The following PDE7B variants were observed in gnomAD, a reference collection of about 807,000 sequenced individuals.
The protein encoded by PDE7B is 3',5'-cyclic-AMP phosphodiesterase 7B.
In PDE7B, 29 loss-of-function variants were observed where a neutral mutation model predicts 56.2. The ratio of observed to expected loss-of-function variants is 0.52; its 90% confidence interval spans 0.38 to 0.70. The LOEUF is 0.70. PDE7B is among the 30% of genes least tolerant of loss of function. PDE7B has a pLI of 0.00. For missense variants in PDE7B, 490 were observed against 565.0 expected (o/e 0.87, Z 1.35); for synonymous variants, 197 against 196.9 (o/e 1.00, Z 0.00).
At chr6:135,967,575 A>C (rs926424571) in intron 2 of PDE7B, among the ~76,000 whole-genome samples, 2 of 152,176 alleles carry the variant, frequency 1.3e-5, no homozygotes, top group Admixed American at 6.5e-5. Flanking sequence ...CAGGCACAAC[A>C]ACCTATCTGC....
intron 1 of PDE7B, among the ~76,000 whole-genome samples, chr6:135,880,800 G>A (rs1775594172): frequency 6.6e-6 from 1 of 152,214 alleles, no homozygotes; most frequent in African/African-American, 2.4e-5. Context: ...CTGCTGAAGA[G>A]AAGCAGTTGT....
intron 2 of PDE7B, among the ~76,000 whole-genome samples, chr6:135,961,087 C>A (rs1164005085): frequency 1.3e-5 from 2 of 152,086 alleles, no homozygotes; most frequent in Non-Finnish European, 2.9e-5. Context: ...CATCTGATCC[C>A]CAATACCTAA....
At chr6:136,094,497 T>C (rs1342004131) in intron 2 of PDE7B, 1 of 152,466 alleles carries the variant, frequency 6.6e-6, no homozygotes, top group Non-Finnish European at 1.5e-5. Flanking sequence ...CCACATTTCA[T>C]TCAAGTCTTT....
chr6:135,959,767 TAA>T (rs34520299), intron 2 of PDE7B, among the ~76,000 whole-genome samples: 3 of 149,416 alleles, frequency 2.0e-5, no homozygotes, highest in East Asian at 2.0e-4. Context: ...AGTCTTTTCT[TAA>T]AAAAAAAAAG....
intron 8 of PDE7B, chr6:136,156,201 G>GTGTGTGTGTGTT (rs997239420): frequency 6.1e-6 from 2 of 326,492 alleles, no homozygotes; most frequent in African/African-American, 2.2e-5. Flanking sequence ...GTGTGTGTGT[G>GTGTGTGTGTGTT]TTTTCAGAAA....
rs369845093 is a variant in PDE7B at position 136,117,864 on chromosome 6, TGG to T, written c.166+9051_166+9052del. Among the ~76,000 whole-genome samples, 47 of 152,276 alleles carry T rather than the reference TGG, an allele frequency of 3.1e-4. No homozygotes were observed. In the South Asian group the frequency reaches 8.9e-3, roughly 29 times the overall value. On this transcript the variant is annotated intron_variant, in intron 3 of 12. Coordinates refer to ENST00000308191, the MANE Select transcript of PDE7B (RefSeq NM_018945.4). ...GGCTGCCTCTCTGCCTCTTCTACCA[TGG>T]TTGCCCCACCCAGAGCTCCAAGCTC...
At position 135,857,024 on chromosome 6, in the gene PDE7B, T is replaced by TCCTCCCTCCCTC. The variant is rs57985628; in HGVS notation, c.21+5025_21+5036dup. On this transcript the variant is annotated intron_variant, in intron 1 of 12. Coordinates refer to ENST00000308191, the MANE Select transcript of PDE7B (RefSeq NM_018945.4). Reference sequence around the variant, plus strand: ...TTTCCTTCTGCCCTCTTACTCCTTTTCCTCCCTCCCTCCCTCCCTCCCTCC... The same window carrying TCCTCCCTCCCTC: ...TTTCCTTCTGCCCTCTTACTCCTTTTCCTCCCTCCCTCCCTCCCTCCCTCCCTCCCTCCCTCC... 9.0e-3 allele frequency among the ~76,000 whole-genome samples: 1,151 copies of TCCTCCCTCCCTC among 127,330 alleles called. 4 individuals are homozygous for TCCTCCCTCCCTC. Among genetic ancestry groups the TCCTCCCTCCCTC allele is most frequent in the African/African-American group, 0.017 (500 of 29,382 alleles). The allele number at this position is 127,330 out of a possible 152,430, so 83.5% of individuals were successfully genotyped here. A position where few individuals can be genotyped will look rare whatever the true frequency, so the allele number is the denominator to read the frequency against.
At chr6:136,039,809 G>A (rs1044071917) in intron 2 of PDE7B, among the ~76,000 whole-genome samples, 1 of 152,112 alleles carries the variant, frequency 6.6e-6, no homozygotes, top group African/African-American at 2.4e-5. Context: ...TGTTGCATGT[G>A]AGTAGGGTAA....
chr6:136,093,099 T>C (rs1777416489), intron 2 of PDE7B, among the ~76,000 whole-genome samples: 1 of 152,204 alleles, frequency 6.6e-6, no homozygotes, highest in Non-Finnish European at 1.5e-5. Flanking sequence ...TCAGTCAAGC[T>C]GGGAAAAAAC....
chr6:136,153,692 G>A (rs919678960), intron 6 of PDE7B, among the ~76,000 whole-genome samples: 1 of 152,142 alleles, frequency 6.6e-6, no homozygotes, highest in Non-Finnish European at 1.5e-5. Context: ...AACCTCATTT[G>A]TGGCATATTA....
At chr6:135,992,888 C>T (rs905656430) in intron 2 of PDE7B, among the ~76,000 whole-genome samples, 12 of 152,212 alleles carry the variant, frequency 7.9e-5, no homozygotes, top group Non-Finnish European at 1.8e-4. Flanking sequence ...TACACAATCT[C>T]ATGTGCCCCT....
intron 2 of PDE7B, among the ~76,000 whole-genome samples, chr6:136,074,978 ATAATT>A (rs1777107658): frequency 6.6e-6 from 1 of 152,204 alleles, no homozygotes; most frequent in Non-Finnish European, 1.5e-5. Context: ...GGTACAAAAA[ATAATT>A]TAAGGGAATC....
intron 2 of PDE7B, among the ~76,000 whole-genome samples, chr6:136,089,405 G>C (rs1436363029): frequency 6.6e-6 from 1 of 152,170 alleles, no homozygotes; most frequent in African/African-American, 2.4e-5. Flanking sequence ...ATGGAGAAAA[G>C]AGAAGACTAC....
intron 2 of PDE7B, among the ~76,000 whole-genome samples, chr6:135,948,928 C>A (rs1414626411): frequency 1.3e-5 from 2 of 150,948 alleles, no homozygotes; most frequent in East Asian, 3.9e-4. Context: ...GACAGACAGA[C>A]AAAACAGGTA....
chr6:136,016,875 T>G (rs1267250578), intron 2 of PDE7B, among the ~76,000 whole-genome samples: 2 of 152,252 alleles, frequency 1.3e-5, no homozygotes, highest in Non-Finnish European at 2.9e-5. Flanking sequence ...GCCTATTTAT[T>G]TACAAGAATA....
intron 2 of PDE7B, among the ~76,000 whole-genome samples, chr6:136,067,572 A>T (rs1284858615): frequency 6.6e-6 from 1 of 152,222 alleles, no homozygotes; most frequent in Non-Finnish European, 1.5e-5. Context: ...TCTATGCCGG[A>T]AGCATAACTA....
At chr6:136,111,507 C>T (rs1777747518) in intron 3 of PDE7B, among the ~76,000 whole-genome samples, 1 of 152,172 alleles carries the variant, frequency 6.6e-6, no homozygotes, top group South Asian at 2.1e-4. Context: ...TGGTCGCCCT[C>T]CACGGTTCCT....
chr6:136,039,536 T>G (rs1047361087), intron 2 of PDE7B, among the ~76,000 whole-genome samples: 1 of 152,216 alleles, frequency 6.6e-6, no homozygotes, highest in Non-Finnish European at 1.5e-5. Flanking sequence ...TGGCTAGTTT[T>G]GATTTTAATG....
At position 136,148,379 on chromosome 6, in the gene PDE7B, AAAAGAAAGAAGGAAAGG is replaced by A. The variant is rs535344429; in HGVS notation, c.319-687_319-671del. Among the ~76,000 whole-genome samples, 1,144 of 147,870 alleles carry A rather than the reference AAAAGAAAGAAGGAAAGG, an allele frequency of 7.7e-3. 12 individuals are homozygous for A. The highest frequency in any genetic ancestry group is 0.028 in the African/African-American group (1,097 of 39,502). Reference sequence around the variant, plus strand: ...TCAAAAAGAAAGAAGGAAAGAAAAGAAAAGAAAGAAGGAAAGGAAAGAAAGAAGGAAAGGAAAAAGAA... The same window carrying A: ...TCAAAAAGAAAGAAGGAAAGAAAAGAAAAGAAAGAAGGAAAGGAAAAAGAA... On this transcript the variant is annotated intron_variant, in intron 4 of 12. Transcript: ENST00000308191.
Sources: allele counts gnomAD v4.1 joint callset (sites outside exome capture counted in the v4.1 genomes callset), GRCh38; gene constraint gnomAD v4.1.1; transcripts MANE v1.5; gene names NCBI Gene and HGNC (gene_info 2026-07-23, HGNC 2026-07-21).